TMEM63C: variants seen among roughly 807,000 people sequenced by gnomAD.
The protein encoded by TMEM63C is transmembrane protein 63C.
In TMEM63C, 32 loss-of-function variants were observed where a neutral mutation model predicts 99.2. That is an observed-to-expected ratio of 0.32 (90% CI 0.24 to 0.43). The LOEUF is 0.43. Ranked by LOEUF, TMEM63C falls within the 20% of genes least tolerant of loss-of-function variation. The probability of loss-of-function intolerance (pLI) is 1.00; values close to 1 mark genes in which losing one functional copy is unlikely to be tolerated. For missense variants in TMEM63C, 826 were observed against 1,053.0 expected (o/e 0.78, Z 2.98); for synonymous variants, 376 against 397.9 (o/e 0.94, Z 0.66).
At chr14:77,215,640 T>C (rs1888571226) in intron 2 of TMEM63C, among the ~76,000 whole-genome samples, 2 of 71,908 alleles carry the variant, frequency 2.8e-5, no homozygotes, top group Admixed American at 1.2e-4. Flanking sequence ...AAAAAGAAAC[T>C]AGAAGCAGTA....
chr14:77,220,014 C>T lies in TMEM63C; in HGVS notation c.239C>T (p.Ser80Leu), dbSNP rs765498876. ...CCTTCCCTGGCTGGCAGCCTGACCT[C>T]GCTGATCTATGGGGAGCAGAGCGAG... ...ALLIHNDSLT[S>L]LIYGEQSEKT... The change falls in exon 5 of 24, where the codon TCG (serine) becomes TTG (leucine). Residue 80 changes from serine (S) to leucine (L), a missense_variant. Ser to Leu is a moderately radical substitution (Grantham distance 145). Coordinates refer to ENST00000298351, the MANE Select transcript of TMEM63C (RefSeq NM_020431.4). The T allele has an allele frequency of 3.2e-6, 5 of 1,558,624 alleles. No homozygotes were observed. The highest frequency in any genetic ancestry group is 4.3e-6 in the Non-Finnish European group (5 of 1,151,128).
intron 1 of TMEM63C, among the ~76,000 whole-genome samples, chr14:77,210,787 C>T (rs1888482505): frequency 6.6e-6 from 1 of 151,766 alleles, no homozygotes; most frequent in African/African-American, 2.4e-5. Context: ...CTGTTGTTAA[C>T]AAAAAGATGA....
intron 8 of TMEM63C, among the ~76,000 whole-genome samples, chr14:77,235,011 G>A (rs1396611311): frequency 6.6e-6 from 1 of 152,126 alleles, no homozygotes; most frequent in African/African-American, 2.4e-5. Context: ...GAGGGGCACC[G>A]ACCCTCTCTC....
In TMEM63C at chr14:77,239,651, G is replaced by T. The variant is rs1889129240; in HGVS notation, c.855G>T (p.Lys285Asn). ...TTTTCTATACAGCCAAGGCCAAGAA[G>T]ACTGGGAAGGTGATGATCAGGATCC... is the stretch of plus-strand genomic sequence containing the variant. ...GRLFYTAKAKKTGKVMIRIHP... is the reference protein window; with the variant it reads ...GRLFYTAKAKNTGKVMIRIHP... The change falls in exon 12 of 24, where the codon AAG becomes AAT. Residue 285 changes from lysine to asparagine, a missense_variant. Transcript: ENST00000298351. 3 of 1,613,388 alleles carry T rather than the reference G, an allele frequency of 1.9e-6. No homozygotes were observed. The East Asian group carries it at 6.7e-5, about 36-fold the overall frequency.
chr14:77,189,277 T>TG (rs949027544), intron 1 of TMEM63C, among the ~76,000 whole-genome samples: 1 of 3,020 alleles, frequency 3.3e-4, no homozygotes, highest in Non-Finnish European at 0.042. Context: ...ACCCAGCTAA[T>TG]TTTTTTTTTT....
intron 21 of TMEM63C, among the ~76,000 whole-genome samples, chr14:77,249,956 T>C (rs970278272): frequency 9.8e-5 from 15 of 152,298 alleles, no homozygotes; most frequent in Middle Eastern, 6.8e-3. Context: ...CACTTCCCCC[T>C]CCCCAGTAGC....
At chr14:77,187,704 A>T (rs1368227577) in intron 1 of TMEM63C, among the ~76,000 whole-genome samples, 2 of 152,202 alleles carry the variant, frequency 1.3e-5, no homozygotes, top group Admixed American at 1.3e-4. Context: ...CGCAGCCCTG[A>T]TCTGTTCCCA....
chr14:77,229,578 G>C (rs1888896427), intron 6 of TMEM63C, among the ~76,000 whole-genome samples: 1 of 142,748 alleles, frequency 7.0e-6, no homozygotes, highest in African/African-American at 2.5e-5. Flanking sequence ...CTCCAGAGTA[G>C]CTGGGACTAC....
chr14:77,185,329 G>A (rs565288015), intron 1 of TMEM63C, among the ~76,000 whole-genome samples: 1 of 152,312 alleles, frequency 6.6e-6, no homozygotes, highest in Non-Finnish European at 1.5e-5. Context: ...ATCAGAGGCA[G>A]AAAGATCAGC....
intron 4 of TMEM63C, 107 bp downstream of exon 4, chr14:77,219,684 C>G: frequency 8.3e-7 from 1 of 1,204,016 alleles, no homozygotes; most frequent in Non-Finnish European, 1.2e-6. Flanking sequence ...GGTGTCTCGC[C>G]AGCAAGTGGC....
chr14:77,217,146 T>A (rs1888604782), intron 2 of TMEM63C, among the ~76,000 whole-genome samples: 2 of 146,672 alleles, frequency 1.4e-5, no homozygotes, highest in African/African-American at 2.7e-5. Flanking sequence ...TATCTCTCTC[T>A]TAAAAAAAAA....
chr14:77,236,777 C>A, intron 9 of TMEM63C, 45 bp downstream of exon 9: 1 of 1,373,208 alleles, frequency 7.3e-7, no homozygotes, highest in Non-Finnish European at 1.0e-6. Context: ...AAGCTGGGGT[C>A]CCTCCCCACT....
intron 1 of TMEM63C, among the ~76,000 whole-genome samples, chr14:77,182,964 C>T (rs527654706): frequency 6.6e-6 from 1 of 152,172 alleles, no homozygotes; most frequent in Admixed American, 6.5e-5. Flanking sequence ...CTTAGCACCA[C>T]CCTCTGTTAT....
At chr14:77,218,675 G>T in intron 2 of TMEM63C, 126 bp from the exon 3 acceptor site, 1 of 856,790 alleles carries the variant, frequency 1.2e-6, no homozygotes, top group Non-Finnish European at 1.8e-6. Flanking sequence ...CTCCTGTCTT[G>T]GGTCTGAAGT....
chr14:77,210,346 T>C (rs574001673), intron 1 of TMEM63C, among the ~76,000 whole-genome samples: 1 of 152,262 alleles, frequency 6.6e-6, no homozygotes, highest in South Asian at 2.1e-4. Flanking sequence ...AATCCACCAC[T>C]TTCCCCAGCC....
intron 1 of TMEM63C, among the ~76,000 whole-genome samples, chr14:77,194,346 G>A (rs1005317089): frequency 1.3e-3 from 68 of 53,702 alleles, no homozygotes; most frequent in East Asian, 8.3e-3. Flanking sequence ...ATGTGTGTGT[G>A]TGTGTGTGTG....
chr14:77,195,575 C>T (rs1888201071), intron 1 of TMEM63C, among the ~76,000 whole-genome samples: 1 of 152,164 alleles, frequency 6.6e-6, no homozygotes, highest in Non-Finnish European at 1.5e-5. Flanking sequence ...ACCCTCCCCT[C>T]CTCCTGCAGA....
chr14:77,201,782 T>C (rs993574494), intron 1 of TMEM63C, among the ~76,000 whole-genome samples: 3 of 152,110 alleles, frequency 2.0e-5, no homozygotes, highest in African/African-American at 7.2e-5. Flanking sequence ...GGAAGTAGAG[T>C]GTCTCTGGGA....
chr14:77,207,277 C>T (rs1779867573), intron 1 of TMEM63C, among the ~76,000 whole-genome samples: 1 of 152,252 alleles, frequency 6.6e-6, no homozygotes, highest in African/African-American at 2.4e-5. Flanking sequence ...GTCCAAGTGG[C>T]CACCTTCTCC....
Sources: allele counts gnomAD v4.1 joint callset (sites outside exome capture counted in the v4.1 genomes callset), GRCh38; gene constraint gnomAD v4.1.1; transcripts MANE v1.5; gene names NCBI Gene and HGNC (gene_info 2026-07-23, HGNC 2026-07-21).